Variants in C8orf34 observed in about 807,000 individuals in gnomAD.
The protein encoded by C8orf34 is chromosome 8 open reading frame 34.
Under a neutral mutation model 68.3 loss-of-function variants are expected in C8orf34, and 65 were observed. The observed-to-expected ratio is 0.95, with a 90% CI of 0.78 to 1.17. The LOEUF (loss-of-function observed/expected upper bound fraction) is 1.17. Ranked by LOEUF, C8orf34 falls within the 50% of genes most tolerant of loss-of-function variation. The probability of loss-of-function intolerance (pLI) is 0.00; values close to 1 mark genes in which losing one functional copy is unlikely to be tolerated. For synonymous variants in C8orf34, 244 were observed against 241.2 expected, an observed-to-expected ratio of 1.01 and a Z score of -0.11; for missense variants, 664 against 655.4, an observed-to-expected ratio of 1.01 and a Z score of -0.14.
At chr8:68,671,310 T>C (rs1051368581) in intron 8 of C8orf34, among the ~76,000 whole-genome samples, 3 of 152,220 alleles carry the variant, frequency 2.0e-5, no homozygotes, top group Admixed American at 6.5e-5. Context: ...CTGGATTATA[T>C]GAACAACCAT....
chr8:68,622,799 A>T (rs1818426023), intron 7 of C8orf34, among the ~76,000 whole-genome samples: 2 of 152,246 alleles, frequency 1.3e-5, no homozygotes, highest in Admixed American at 1.3e-4. Flanking sequence ...ACAGGGAACA[A>T]AAATTGGTGA....
intron 1 of C8orf34, 89 bp downstream of exon 1, chr8:68,331,428 C>A: frequency 7.2e-7 from 1 of 1,380,856 alleles, no homozygotes; most frequent in Non-Finnish European, 9.9e-7. Flanking sequence ...CCACCCCTCC[C>A]AGGGAAGGAG....
chr8:68,459,406 T>A (rs1352051145), intron 3 of C8orf34, among the ~76,000 whole-genome samples: 1 of 151,750 alleles, frequency 6.6e-6, no homozygotes, highest in Non-Finnish European at 1.5e-5. Flanking sequence ...ATTTTTGTAT[T>A]TTTTTTAGTA....
intron 11 of C8orf34, among the ~76,000 whole-genome samples, chr8:68,780,721 A>G (rs1255140976): frequency 6.6e-6 from 1 of 152,194 alleles, no homozygotes; most frequent in Non-Finnish European, 1.5e-5. Context: ...GTTAGAGACC[A>G]GACTGGGCAA....
Position 68,372,634 on chromosome 8 carries a change from G to T in C8orf34, c.327+41295G>T, listed in dbSNP as rs535769666. Among the ~76,000 whole-genome samples, 11 of 152,276 alleles carry T rather than the reference G, an allele frequency of 7.2e-5. No homozygotes were observed. The South Asian group carries it at 2.3e-3, about 32-fold the overall frequency. On this transcript the variant is annotated intron_variant, in intron 1 of 13. Coordinates refer to ENST00000518698, the MANE Select transcript of C8orf34 (RefSeq NM_052958.4). ...ACTATTATTATACTTTAAGTTCTGGGATACATGTGCAGAATGTGCAGGTTT... is the reference window on the plus strand; with the variant it reads ...ACTATTATTATACTTTAAGTTCTGGTATACATGTGCAGAATGTGCAGGTTT...
At chr8:68,615,457 A>G (rs1360076977) in intron 7 of C8orf34, among the ~76,000 whole-genome samples, 3 of 151,984 alleles carry the variant, frequency 2.0e-5, no homozygotes, top group African/African-American at 7.3e-5. Flanking sequence ...ATTTTGAGAT[A>G]CGTCCCATCA....
At chr8:68,612,009 T>A (rs1337132239) in intron 7 of C8orf34, among the ~76,000 whole-genome samples, 2 of 152,134 alleles carry the variant, frequency 1.3e-5, no homozygotes, top group Non-Finnish European at 2.9e-5. Flanking sequence ...CCTGGAAAGT[T>A]CAGAAAATCA....
At chr8:68,398,772 C>T (rs1054246536) in intron 1 of C8orf34, among the ~76,000 whole-genome samples, 1 of 152,138 alleles carries the variant, frequency 6.6e-6, no homozygotes, top group African/African-American at 2.4e-5. Flanking sequence ...TTGAGATATT[C>T]ATGCTATATT....
chr8:68,428,776 A>G (rs1024621097), intron 1 of C8orf34, among the ~76,000 whole-genome samples: 1 of 152,136 alleles, frequency 6.6e-6, no homozygotes, highest in Non-Finnish European at 1.5e-5. Flanking sequence ...AACAGGCTAT[A>G]AAGTCTAAAA....
rs1230225447 is a variant in C8orf34, at chr8:68,787,460, A to G, written c.1473A>G (p.Gln491=). 2 of 1,611,978 alleles carry G rather than the reference A, an allele frequency of 1.2e-6. No homozygotes were observed. Among genetic ancestry groups the G allele is most frequent in the African/African-American group, 2.7e-5 (2 of 75,006 alleles). Residue 491 remains glutamine (Q), a synonymous_variant, in exon 12 of 14, where the codon CAA becomes CAG. Coordinates refer to ENST00000518698, the MANE Select transcript of C8orf34 (RefSeq NM_052958.4). ...NYMEEDESLK[Q]LQVVHQPWIL... ...TTTTGCAGGATGAATCCTTAAAGCAATTGCAGGTAGTTCATCAACCATGGA... is the reference window on the plus strand; with the variant it reads ...TTTTGCAGGATGAATCCTTAAAGCAGTTGCAGGTAGTTCATCAACCATGGA...
chr8:68,532,155 C>T (rs1351037777), intron 6 of C8orf34, among the ~76,000 whole-genome samples: 2 of 151,990 alleles, frequency 1.3e-5, no homozygotes, highest in South Asian at 2.1e-4. Flanking sequence ...GAATCTACTT[C>T]AAAACATCAG....
chr8:68,518,620 GGGTGC>G lies in C8orf34; in HGVS notation c.766-3174_766-3170del, dbSNP rs1415953531. 1.1e-4 allele frequency among the ~76,000 whole-genome samples: 16 copies of G among 152,186 alleles called. No individual in the cohort carries two copies. In the South Asian group the frequency reaches 1.7e-3, roughly 16 times the overall value. ...TGATTTAGCCTTAAAATTTGTGGCC[GGGTGC>G]GGTGGTTCATGAATGTAATCCCAGC... On this transcript the variant is annotated intron_variant, in intron 5 of 13. Transcript: ENST00000518698.
At chr8:68,633,725 G>A (rs1038280895) in intron 7 of C8orf34, among the ~76,000 whole-genome samples, 5 of 151,980 alleles carry the variant, frequency 3.3e-5, no homozygotes, top group Non-Finnish European at 7.4e-5. Context: ...GAATATTTTG[G>A]AGAATATCTT....
At chr8:68,766,451 G>C (rs997876698) in intron 10 of C8orf34, among the ~76,000 whole-genome samples, 1 of 152,120 alleles carries the variant, frequency 6.6e-6, no homozygotes, top group Non-Finnish European at 1.5e-5. Flanking sequence ...GAGCTTAATG[G>C]AGGAGAATTT....
intron 8 of C8orf34, among the ~76,000 whole-genome samples, chr8:68,699,929 A>G (rs1348069518): frequency 2.0e-5 from 3 of 152,102 alleles, no homozygotes; most frequent in African/African-American, 7.2e-5. Context: ...AGGAAAGAGG[A>G]TGGTTTCTAT....
At chr8:68,733,104 T>G (rs1288260089) in intron 10 of C8orf34, among the ~76,000 whole-genome samples, 1 of 152,054 alleles carries the variant, frequency 6.6e-6, no homozygotes, top group African/African-American at 2.4e-5. Context: ...CATTTGTTTT[T>G]GATAATTCAT....
intron 1 of C8orf34, among the ~76,000 whole-genome samples, chr8:68,357,531 A>G (rs1262157657): frequency 3.3e-5 from 5 of 152,312 alleles, no homozygotes; most frequent in African/African-American, 9.6e-5. Context: ...TTAAAAAATA[A>G]TATTCAGGGA....
At chr8:68,689,396 A>G (rs1041582378) in intron 8 of C8orf34, among the ~76,000 whole-genome samples, 2 of 152,082 alleles carry the variant, frequency 1.3e-5, no homozygotes, top group Non-Finnish European at 2.9e-5. Context: ...TTGTACCCCA[A>G]AAGCAATTGA....
chr8:68,611,439 T>G (rs1226773839), intron 7 of C8orf34, among the ~76,000 whole-genome samples: 1 of 152,180 alleles, frequency 6.6e-6, no homozygotes, highest in East Asian at 1.9e-4. Flanking sequence ...TCTCTAGGAT[T>G]GTTAGCCCAC....
Sources: gnomAD v4.1 joint callset for allele counts (sites outside exome capture counted in the v4.1 genomes callset) on GRCh38, gnomAD v4.1.1 for gene constraint, MANE v1.5 for transcripts, NCBI Gene and HGNC (gene_info 2026-07-23, HGNC 2026-07-21) for gene names.